The following RNF14 variants were observed in gnomAD, a reference collection of about 807,000 sequenced individuals.
RNF14 encodes E3 ubiquitin-protein ligase RNF14.
In RNF14, 26 loss-of-function variants were observed where a neutral mutation model predicts 52.6. The ratio of observed to expected loss-of-function variants is 0.49; its 90% CI spans 0.36 to 0.69. The LOEUF is 0.69. Ranked by LOEUF, RNF14 falls within the 30% of genes least tolerant of loss-of-function variation. The pLI is 0.00. For synonymous variants in RNF14, 194 were observed against 202.0 expected (o/e 0.96, Z 0.34); for missense variants, 404 against 560.4 (o/e 0.72, Z 2.82).
intron 1 of RNF14, among the ~76,000 whole-genome samples, chr5:141,970,347 TGAAG>T (rs1424162094): frequency 2.6e-5 from 4 of 151,840 alleles, no homozygotes; most frequent in Non-Finnish European, 5.9e-5. Flanking sequence ...GAGTGGCAAA[TGAAG>T]GAATACAAGA....
upstream of RNF14, chr5:141,955,253 CG>C: frequency 6.2e-7 from 1 of 1,614,182 alleles, no homozygotes; most frequent in Non-Finnish European, 8.5e-7. The surrounding 1 kb of genome is among the most constrained non-coding windows in gnomAD (Gnocchi z 5.5). Flanking sequence ...GGCTGGGGCT[CG>C]GGAAGGTTCA....
intron 2 of RNF14, among the ~76,000 whole-genome samples, chr5:141,973,019 T>C (rs1185130645): frequency 6.6e-6 from 1 of 152,228 alleles, no homozygotes; most frequent in Admixed American, 6.5e-5. Context: ...CAAATTGTGC[T>C]TTTTTTCCTC....
intron 6 of RNF14, 51 bp from the exon 7 acceptor site, chr5:141,983,329 G>T: frequency 2.2e-6 from 3 of 1,372,490 alleles, no homozygotes; most frequent in Non-Finnish European, 2.0e-6. Context: ...AATGATTTTT[G>T]GTCAGCATTA....
upstream of RNF14, among the ~76,000 whole-genome samples, chr5:141,953,971 A>G (rs530519687): frequency 6.6e-6 from 1 of 152,360 alleles, no homozygotes; most frequent in African/African-American, 2.4e-5. Context: ...GTGTGAGATC[A>G]GGCATCATCC....
At chr5:141,960,861 G>C (rs931297240) in intron 1 of RNF14, among the ~76,000 whole-genome samples, 1 of 152,208 alleles carries the variant, frequency 6.6e-6, no homozygotes, top group African/African-American at 2.4e-5. Context: ...TGAGAGTAAT[G>C]CAGGGGAGCT....
Position 141,984,864 on chromosome 5 carries a change from G to T in RNF14, c.1298G>T (p.Cys433Phe). Residue 433 changes from cysteine (C) to phenylalanine (F), a missense_variant, in exon 8 of 9, where the codon TGC becomes TTC. Coordinates refer to ENST00000394520, the MANE Select transcript of RNF14 (RefSeq NM_004290.5). The part of the protein sequence containing the change: ...TGCMQYFCWI[C>F]MGSLSRANPY... ...TGTATGCAATATTTCTGTTGGATTT[G>T]CATGGGTTCTCTCTCTAGAGCAAAC... 6.2e-7 allele frequency: 1 copy of T among 1,613,476 alleles called. No homozygotes were observed. The highest frequency in any genetic ancestry group is 8.5e-7 in the Non-Finnish European group (1 of 1,179,470).
At chr5:141,955,602 G>GTAGGC, upstream of RNF14, 1 of 1,614,182 alleles carries the variant, frequency 6.2e-7, no homozygotes, top group Non-Finnish European at 8.5e-7. The surrounding 1 kb of genome is among the most constrained non-coding windows in gnomAD (Gnocchi z 5.5). Flanking sequence ...CCCGACAGTT[G>GTAGGC]TAGGCCCTGT....
At chr5:141,980,383 C>A in intron 6 of RNF14, 32 bp downstream of exon 6, 1 of 1,505,886 alleles carries the variant, frequency 6.6e-7, no homozygotes, top group African/African-American at 1.4e-5. Context: ...AAACCCCCAT[C>A]CCCAGTCTCT....
At chr5:141,960,346 G>T (rs781648050) in intron 1 of RNF14, among the ~76,000 whole-genome samples, 4 of 152,226 alleles carry the variant, frequency 2.6e-5, no homozygotes, top group African/African-American at 7.2e-5. Context: ...TCCTCATGGA[G>T]GGCACACGCT....
intron 4 of RNF14, among the ~76,000 whole-genome samples, chr5:141,975,754 A>G (rs1754185756): frequency 6.6e-6 from 1 of 152,046 alleles, no homozygotes; most frequent in African/African-American, 2.4e-5. Flanking sequence ...GCGAAACCCA[A>G]TTTCTACAAA....
chr5:141,955,433 C>T (rs1358169596), upstream of RNF14: 8 of 1,614,080 alleles, frequency 5.0e-6, no homozygotes, highest in Non-Finnish European at 6.8e-6. The surrounding 1 kb of genome is among the most constrained non-coding windows in gnomAD (Gnocchi z 5.5). Context: ...GGGTCCCAGC[C>T]TGCTTCCATC....
At chr5:141,985,560 CT>C (rs910298378) in intron 8 of RNF14, among the ~76,000 whole-genome samples, 6 of 148,624 alleles carry the variant, frequency 4.0e-5, no homozygotes, top group Non-Finnish European at 6.0e-5. Context: ...TGAACATTCA[CT>C]TTTTTTTTTG....
chr5:141,956,064 A>G (rs763110745), upstream of RNF14: 5 of 1,613,972 alleles, frequency 3.1e-6, no homozygotes, highest in African/African-American at 4.0e-5. Flanking sequence ...GGCCCAAGCC[A>G]TTGGGAGTCT....
chr5:141,955,093 A>G, upstream of RNF14: 1 of 1,614,232 alleles, frequency 6.2e-7, no homozygotes, highest in Non-Finnish European at 8.5e-7. This position sits in a 1 kb window ranked among gnomAD's most constrained non-coding sequence, Gnocchi z 5.5. Flanking sequence ...CTCAGGGGAC[A>G]CTTTGCCATT....
At chr5:141,952,596 C>T in the RNF14 span, 2 of 152,182 alleles carry the variant, frequency 1.3e-5, no homozygotes, top group Non-Finnish European at 2.9e-5. Flanking sequence ...CCCTATAGGC[C>T]ATTGGAAGGG....
chr5:141,973,773 CT>C lies in RNF14; in HGVS notation c.154+32del. Reference sequence around the variant, plus strand: ...TTAATAATTTCTTAAACAGATTTTTCTATTATTCTTTATTTCTTAGTGTACC... The same window carrying C: ...TTAATAATTTCTTAAACAGATTTTTCATTATTCTTTATTTCTTAGTGTACC... On this transcript the variant is annotated intron_variant, in intron 3 of 8. Transcript: ENST00000394520. 3.9e-6 allele frequency: 6 copies of C among 1,545,288 alleles called. No individual in the cohort carries two copies. In the East Asian group the frequency reaches 1.4e-4, roughly 35 times the overall value.
chr5:141,961,796 T>C (rs182575657), intron 1 of RNF14, among the ~76,000 whole-genome samples: 49 of 152,194 alleles, frequency 3.2e-4, no homozygotes, highest in Middle Eastern at 3.4e-3. Flanking sequence ...CTAAGGAACC[T>C]TGAGGGGTCA....
the RNF14 span, chr5:141,949,580 A>G: frequency 1.5e-5 from 25 of 1,612,914 alleles, no homozygotes; most frequent in East Asian, 2.2e-5. Context: ...CTGGGATTGC[A>G]CTCCTGCAAA....
At chr5:141,960,239 A>T (rs548939054) in intron 1 of RNF14, among the ~76,000 whole-genome samples, 2 of 152,276 alleles carry the variant, frequency 1.3e-5, no homozygotes, top group Admixed American at 1.3e-4. Flanking sequence ...GACAGTGAAC[A>T]AGGCAAGGGG....
Sources: allele counts gnomAD v4.1 joint callset (sites outside exome capture counted in the v4.1 genomes callset), GRCh38; gene constraint gnomAD v4.1.1; non-coding constraint Gnocchi (gnomAD v3.1); transcripts MANE v1.5; gene names NCBI Gene and HGNC (gene_info 2026-07-23, HGNC 2026-07-21).